The following TBC1D5 variants were observed in gnomAD, a reference collection of about 807,000 sequenced individuals.
The protein encoded by TBC1D5 is TBC1 domain family, member 5.
A neutral mutation model predicts 100.3 loss-of-function variants in TBC1D5; 75 were observed. The ratio of observed to expected loss-of-function variants is 0.75; its 90% CI spans 0.62 to 0.91. The LOEUF (loss-of-function observed/expected upper bound fraction) is 0.91. TBC1D5 is among the 40% of genes least tolerant of loss of function. The probability of loss-of-function intolerance (pLI) is 0.00; values close to 1 mark genes in which losing one functional copy is unlikely to be tolerated. For synonymous variants in TBC1D5, 323 were observed against 325.6 expected (o/e 0.99, Z 0.09); for missense variants, 910 against 942.4 (o/e 0.97, Z 0.45).
chr3:17,576,394 T>C (rs547410882), intron 2 of TBC1D5: 1 of 151,992 alleles, frequency 6.6e-6, no homozygotes, highest in African/African-American at 2.4e-5. Context: ...AACTATAATA[T>C]TTAAAATAGC....
intron 8 of TBC1D5, among the ~76,000 whole-genome samples, chr3:17,392,452 G>A (rs559672547): frequency 2.6e-4 from 39 of 152,128 alleles, no homozygotes; most frequent in African/African-American, 8.7e-4. Flanking sequence ...TGCCATGGTG[G>A]TTTGCTGCAC....
intron 3 of TBC1D5, among the ~76,000 whole-genome samples, chr3:17,504,997 A>G (rs920433947): frequency 1.3e-5 from 2 of 152,200 alleles, no homozygotes; most frequent in East Asian, 1.9e-4. Flanking sequence ...AATACTTGGG[A>G]AAAAAACAAA....
At chr3:17,368,646 A>C (rs1025165476) in intron 13 of TBC1D5, among the ~76,000 whole-genome samples, 1 of 151,408 alleles carries the variant, frequency 6.6e-6, no homozygotes, top group African/African-American at 2.4e-5. Context: ...CATTATTGAC[A>C]TTTTTATTAT....
intron 19 of TBC1D5, among the ~76,000 whole-genome samples, chr3:17,178,667 T>G (rs2068090951): frequency 1.3e-5 from 2 of 152,160 alleles, no homozygotes; most frequent in African/African-American, 4.8e-5. Context: ...ATTTTATTTT[T>G]TTAGAGATAG....
intron 15 of TBC1D5, among the ~76,000 whole-genome samples, chr3:17,278,332 A>C (rs1054577410): frequency 6.6e-6 from 1 of 152,182 alleles, no homozygotes; most frequent in Non-Finnish European, 1.5e-5. Context: ...GGGGTCCTTC[A>C]ACCTCTTTGA....
intron 4 of TBC1D5, among the ~76,000 whole-genome samples, chr3:17,423,240 T>C (rs926641423): frequency 1.3e-5 from 2 of 152,070 alleles, no homozygotes; most frequent in African/African-American, 2.4e-5. Context: ...CTTTATTTCT[T>C]CAATAAAAGC....
At chr3:17,556,663 G>C (rs1297732924) in intron 2 of TBC1D5, among the ~76,000 whole-genome samples, 2 of 152,094 alleles carry the variant, frequency 1.3e-5, no homozygotes, top group Non-Finnish European at 2.9e-5. Context: ...TCTTAAATTA[G>C]CTCTGATTTA....
rs1560228160 is a variant in TBC1D5 at position 17,591,262 on chromosome 3, AAAAAC to A, written c.-36+32582_-36+32586del. On this transcript the variant is annotated intron_variant, in intron 2 of 21. Transcript: ENST00000253692. Reference sequence around the variant, plus strand: ...AAAAAAAAAAAAAAAAAAAAAAAAAAAAAACAAAAACCCCAGAGAATCATGGCCCC... The same window carrying A: ...AAAAAAAAAAAAAAAAAAAAAAAAAAAAAAACCCCAGAGAATCATGGCCCC... Among the ~76,000 whole-genome samples the A allele has an allele frequency of 3.4e-3, 382 of 112,690 alleles. 27 individuals are homozygous for A. Among genetic ancestry groups the A allele is most frequent in the Non-Finnish European group, 4.5e-3 (248 of 54,686 alleles). The allele number at this position is 112,690 out of a possible 152,430, so 73.9% of individuals were successfully genotyped here.
At chr3:17,185,783 G>A (rs1422666401) in intron 18 of TBC1D5, among the ~76,000 whole-genome samples, 1 of 151,806 alleles carries the variant, frequency 6.6e-6, no homozygotes, top group African/African-American at 2.4e-5. Flanking sequence ...TTCCTAAAGC[G>A]CTTGGAAAAG....
chr3:17,346,831 A>T (rs1242415119), intron 13 of TBC1D5, among the ~76,000 whole-genome samples: 2 of 152,210 alleles, frequency 1.3e-5, no homozygotes, highest in Non-Finnish European at 2.9e-5. Flanking sequence ...TATTTACTGA[A>T]TATTCTATCC....
intron 1 of TBC1D5, among the ~76,000 whole-genome samples, chr3:17,713,862 G>A (rs1447516689): frequency 1.3e-5 from 2 of 152,144 alleles, no homozygotes; most frequent in Non-Finnish European, 2.9e-5. Context: ...AAAGTAGGGA[G>A]CTCCAAGTTC....
intron 3 of TBC1D5, among the ~76,000 whole-genome samples, chr3:17,467,282 C>A (rs1296597941): frequency 1.0e-4 from 7 of 68,748 alleles, no homozygotes; most frequent in Admixed American, 2.0e-4. Context: ...TTCTGCCAGA[C>A]CTTCTTTTTT....
chr3:17,361,896 A>C (rs756102616), intron 13 of TBC1D5, among the ~76,000 whole-genome samples: 49 of 152,084 alleles, frequency 3.2e-4, no homozygotes, highest in Non-Finnish European at 6.3e-4. Flanking sequence ...TAATGACACT[A>C]AAAACAGAAA....
At chr3:17,569,403 G>A (rs2096613002) in intron 2 of TBC1D5, among the ~76,000 whole-genome samples, 1 of 151,768 alleles carries the variant, frequency 6.6e-6, no homozygotes, top group South Asian at 2.1e-4. Flanking sequence ...CAACTATATA[G>A]ATATGAAATT....
intron 3 of TBC1D5, among the ~76,000 whole-genome samples, chr3:17,495,595 T>C (rs924751066): frequency 6.6e-6 from 1 of 152,234 alleles, no homozygotes; most frequent in Non-Finnish European, 1.5e-5. Context: ...TAACAACTTA[T>C]TCTTCCTTGG....
chr3:17,179,427 C>T (rs573653579), intron 19 of TBC1D5, among the ~76,000 whole-genome samples: 100 of 152,282 alleles, frequency 6.6e-4, no homozygotes, highest in Admixed American at 2.1e-3. Context: ...CAAAACTGGC[C>T]TCCTTTTTCA....
chr3:17,348,356 G>A (rs545162270), intron 13 of TBC1D5, among the ~76,000 whole-genome samples: 1 of 152,238 alleles, frequency 6.6e-6, no homozygotes, highest in East Asian at 1.9e-4. Flanking sequence ...TAGTGTATAT[G>A]CAAATCTCCT....
chr3:17,291,877 C>T lies in TBC1D5; in HGVS notation c.1245+18G>A, dbSNP rs2081782419. The T allele has an allele frequency of 1.9e-6, 3 of 1,603,172 alleles. No individual in the cohort carries two copies. In the South Asian group the frequency reaches 3.3e-5, roughly 18 times the overall value. On this transcript the variant is annotated intron_variant, in intron 15 of 21. Transcript: ENST00000253692. The stretch of plus-strand genomic sequence containing the variant: ...TCACCCAACTTAAAATTATGCATAC[C>T]CTACTGGGGAAGCTTACCTTTGGAT...
chr3:17,663,586 A>C (rs1334347215), intron 1 of TBC1D5, among the ~76,000 whole-genome samples: 1 of 152,146 alleles, frequency 6.6e-6, no homozygotes, highest in East Asian at 1.9e-4. Context: ...TTGATGTAAA[A>C]AATCCAGGAA....
Sources: gnomAD v4.1 joint callset for allele counts (sites outside exome capture counted in the v4.1 genomes callset) on GRCh38, gnomAD v4.1.1 for gene constraint, MANE v1.5 for transcripts, NCBI Gene and HGNC (gene_info 2026-07-23, HGNC 2026-07-21) for gene names.